The following KIRREL3 variants were observed in gnomAD, a reference collection of about 807,000 sequenced individuals.
KIRREL3 encodes kirre like nephrin family adhesion molecule 3, also known as kin of IRRE-like protein 3.
KIRREL3 carries 36 observed loss-of-function variants against 89.7 expected under a neutral mutation model. The observed-to-expected ratio is 0.40, with a 90% confidence interval of 0.31 to 0.53. The LOEUF (loss-of-function observed/expected upper bound fraction) is 0.53, where lower values mean the gene tolerates loss of function less well. KIRREL3 is among the 20% of genes least tolerant of loss of function. The pLI is 0.49. For missense variants in KIRREL3, 864 were observed against 1,056.6 expected, an observed-to-expected ratio of 0.82 and a Z score of 2.53; for synonymous variants, 445 against 441.4, an observed-to-expected ratio of 1.01 and a Z score of -0.10.
chr11:126,459,020 C>T lies in KIRREL3; in HGVS notation c.743-2566G>A, dbSNP rs1043755834. ...GACACTCAGGGAGGAGCCTGCATCTCGCCGTGGGTTGGAGAAGTGGAGGTG... is the reference window on the plus strand; with the variant it reads ...GACACTCAGGGAGGAGCCTGCATCTTGCCGTGGGTTGGAGAAGTGGAGGTG... On this transcript the variant is annotated intron_variant, in intron 6 of 16. Transcript: ENST00000525144. This position sits in a 1 kb window ranked among gnomAD's most constrained non-coding sequence, Gnocchi z 4.8. Among the ~76,000 whole-genome samples the T allele has an allele frequency of 1.3e-5, 2 of 152,188 alleles. No homozygotes were observed. The highest frequency in any genetic ancestry group is 2.9e-5 in the Non-Finnish European group (2 of 68,040).
chr11:126,431,055 G>A lies in KIRREL3; in HGVS notation c.1696+364C>T. On this transcript the variant is annotated intron_variant, in intron 14 of 16. Coordinates refer to ENST00000525144, the MANE Select transcript of KIRREL3 (RefSeq NM_032531.4). The surrounding 1 kb of genome is among the most constrained non-coding windows in gnomAD (Gnocchi z 7.1). ...CTCTTTATTTTTATTTTGTTGTAGA[G>A]ATGGGGTCTCTCTAGACTAACAGCT... 7.8e-7 allele frequency: 1 copy of A among 1,278,252 alleles called. No individual in the cohort carries two copies. The highest frequency in any genetic ancestry group is 9.9e-7 in the Non-Finnish European group (1 of 1,013,242). 79.2% of individuals were successfully genotyped at this position (1,278,252 alleles called of 1,614,324 possible).
At position 126,983,484 on chromosome 11, in the gene KIRREL3, A is replaced by G. The variant is rs1430586792; in HGVS notation, c.55+16971T>C. 1.3e-5 allele frequency among the ~76,000 whole-genome samples: 2 copies of G among 152,210 alleles called. No homozygotes were observed. Among genetic ancestry groups the G allele is most frequent in the African/African-American group, 4.8e-5 (2 of 41,506 alleles). ...TAAGTTAAGGTCTTGAGAGAGAGAG[A>G]TTTTCCTAAATTACCCTCTGTGGTC... On this transcript the variant is annotated intron_variant, in intron 1 of 16. Coordinates refer to ENST00000525144, the MANE Select transcript of KIRREL3 (RefSeq NM_032531.4). This position sits in a 1 kb window ranked among gnomAD's most constrained non-coding sequence, Gnocchi z 4.9.
rs1384833875 is a variant in KIRREL3, at chr11:126,877,243, C to T, written c.55+123212G>A. Reference sequence around the variant, plus strand: ...CCACTGGTGAGAAGAGTTCTCTTCTCCAGCCAGCCAAGAGCTGCATTACAT... The same window carrying T: ...CCACTGGTGAGAAGAGTTCTCTTCTTCAGCCAGCCAAGAGCTGCATTACAT... On this transcript the variant is annotated intron_variant, in intron 1 of 16. Coordinates refer to ENST00000525144, the MANE Select transcript of KIRREL3 (RefSeq NM_032531.4). The surrounding 1 kb of genome is among the most constrained non-coding windows in gnomAD (Gnocchi z 4.9). Among the ~76,000 whole-genome samples, 2 of 152,200 alleles carry T rather than the reference C, an allele frequency of 1.3e-5. No homozygotes were observed. Among genetic ancestry groups the T allele is most frequent in the African/African-American group, 4.8e-5 (2 of 41,444 alleles).
chr11:126,853,777 C>T (rs1296380813), intron 1 of KIRREL3, among the ~76,000 whole-genome samples: 1 of 151,970 alleles, frequency 6.6e-6, no homozygotes, highest in Non-Finnish European at 1.5e-5. Flanking sequence ...GACCTCCTTT[C>T]AAGGTCTCCG....
intron 1 of KIRREL3, among the ~76,000 whole-genome samples, chr11:126,911,200 A>G (rs1946801866): frequency 6.6e-6 from 1 of 152,188 alleles, no homozygotes; most frequent in Admixed American, 6.5e-5. Context: ...GGCCCCTCCA[A>G]GTAGGAGACA....
rs1315920699 is a variant in KIRREL3, at chr11:126,994,755, G to C, written c.55+5700C>G. Among the ~76,000 whole-genome samples the C allele has an allele frequency of 6.6e-6, 1 of 152,168 alleles. No individual in the cohort carries two copies. The highest frequency in any genetic ancestry group is 1.5e-5 in the Non-Finnish European group (1 of 68,018). On this transcript the variant is annotated intron_variant, in intron 1 of 16. Coordinates refer to ENST00000525144, the MANE Select transcript of KIRREL3 (RefSeq NM_032531.4). This position sits in a 1 kb window ranked among gnomAD's most constrained non-coding sequence, Gnocchi z 5.2. ...TAGGGGGAGGTTCAATGGGGGAGAA[G>C]ATCCCCCACCCTCTTGTGACCCTTG...
intron 1 of KIRREL3, among the ~76,000 whole-genome samples, chr11:126,698,256 C>T (rs1477172717): frequency 6.6e-6 from 1 of 152,210 alleles, no homozygotes. Context: ...CGTTCTCATG[C>T]TCACGGAGAG....
At chr11:126,762,935 A>G (rs1349986217) in intron 1 of KIRREL3, among the ~76,000 whole-genome samples, 1 of 152,018 alleles carries the variant, frequency 6.6e-6, no homozygotes, top group Non-Finnish European at 1.5e-5. Flanking sequence ...TTGACCCCAA[A>G]TTTCTCCTTT....
chr11:126,832,343 G>A (rs761916292), intron 1 of KIRREL3, among the ~76,000 whole-genome samples: 1 of 152,056 alleles, frequency 6.6e-6, no homozygotes, highest in Admixed American at 6.5e-5. Context: ...ATGATTACAC[G>A]CCAGGGAGAT....
At chr11:126,482,240 T>A (rs1957239126) in intron 4 of KIRREL3, among the ~76,000 whole-genome samples, 1 of 152,202 alleles carries the variant, frequency 6.6e-6, no homozygotes, top group South Asian at 2.1e-4. Context: ...AGTTTCACCA[T>A]GTTGGCTAGG....
At chr11:126,894,572 G>GAAA (rs1946070339) in intron 1 of KIRREL3, among the ~76,000 whole-genome samples, 9 of 109,348 alleles carry the variant, frequency 8.2e-5, no homozygotes, top group South Asian at 3.5e-4. Context: ...AAAAAAAAAG[G>GAAA]AAAAGAAAGA....
At chr11:126,480,265 G>C (rs1442107267) in intron 4 of KIRREL3, among the ~76,000 whole-genome samples, 3 of 152,240 alleles carry the variant, frequency 2.0e-5, no homozygotes, top group African/African-American at 7.2e-5. Flanking sequence ...GGGTTATCAT[G>C]AGGATTACCT....
Position 126,689,348 on chromosome 11 carries a change from G to A in KIRREL3, c.56-126436C>T, listed in dbSNP as rs1251887813. Among the ~76,000 whole-genome samples, 1 of 152,176 alleles carries A rather than the reference G, an allele frequency of 6.6e-6. No homozygotes were observed. Among genetic ancestry groups the A allele is most frequent in the Non-Finnish European group, 1.5e-5 (1 of 68,032 alleles). ...GGAAGATGAGGCTGACCAGGCCATG[G>A]AGCTGCCCAGACCCCCTGGGAGCCC... On this transcript the variant is annotated intron_variant, in intron 1 of 16. Coordinates refer to ENST00000525144, the MANE Select transcript of KIRREL3 (RefSeq NM_032531.4). The surrounding 1 kb of genome is among the most constrained non-coding windows in gnomAD (Gnocchi z 5.2).
intron 2 of KIRREL3, among the ~76,000 whole-genome samples, chr11:126,538,425 C>T (rs1938091472): frequency 6.6e-6 from 1 of 152,196 alleles, no homozygotes; most frequent in African/African-American, 2.4e-5. Context: ...AGCTCAGTGG[C>T]TCCTGGTGAC....
chr11:126,756,486 C>A (rs1176438092), intron 1 of KIRREL3, among the ~76,000 whole-genome samples: 1 of 152,262 alleles, frequency 6.6e-6, no homozygotes, highest in Non-Finnish European at 1.5e-5. Flanking sequence ...CCTTAGAAGG[C>A]ATGTCTTCTG....
Position 126,609,611 on chromosome 11 carries a change from T to C in KIRREL3, c.56-46699A>G, listed in dbSNP as rs1459055129. ...CCTTTCTGGGGGGACCTCCGATGCA[T>C]GCTCACTTGTATAAAATCTAACTGG... On this transcript the variant is annotated intron_variant, in intron 1 of 16. Transcript: ENST00000525144. The surrounding 1 kb of genome is among the most constrained non-coding windows in gnomAD (Gnocchi z 5.0). 6.6e-6 allele frequency among the ~76,000 whole-genome samples: 1 copy of C among 152,156 alleles called. No homozygotes were observed. Among genetic ancestry groups the C allele is most frequent in the African/African-American group, 2.4e-5 (1 of 41,416 alleles).
chr11:126,728,100 G>A (rs1285979981), intron 1 of KIRREL3, among the ~76,000 whole-genome samples: 1 of 152,176 alleles, frequency 6.6e-6, no homozygotes, highest in African/African-American at 2.4e-5. Context: ...TCACAGAGGG[G>A]CTGGGTGCAG....
intron 5 of KIRREL3, among the ~76,000 whole-genome samples, chr11:126,468,369 C>T (rs137960788): frequency 2.0e-5 from 3 of 152,374 alleles, no homozygotes; most frequent in Non-Finnish European, 4.4e-5. Context: ...GCAGCCGACA[C>T]CCGCTGGGAG....
chr11:126,709,270 C>T lies in KIRREL3; in HGVS notation c.56-146358G>A, dbSNP rs1239176714. Among the ~76,000 whole-genome samples the T allele has an allele frequency of 6.6e-6, 1 of 152,216 alleles. No individual in the cohort carries two copies. Among genetic ancestry groups the T allele is most frequent in the African/African-American group, 2.4e-5 (1 of 41,460 alleles). On this transcript the variant is annotated intron_variant, in intron 1 of 16. Transcript: ENST00000525144. This position sits in a 1 kb window ranked among gnomAD's most constrained non-coding sequence, Gnocchi z 4.0. Reference sequence around the variant, plus strand: ...TCGCCCCAAAATATGGCTGCCTTGACTAGTTGGCTTTATCATCTCCTCTAT... The same window carrying T: ...TCGCCCCAAAATATGGCTGCCTTGATTAGTTGGCTTTATCATCTCCTCTAT...
Sources: gnomAD v4.1 joint callset for allele counts (sites outside exome capture counted in the v4.1 genomes callset) on GRCh38, gnomAD v4.1.1 for gene constraint, Gnocchi (gnomAD v3.1) non-coding constraint, MANE v1.5 for transcripts, NCBI Gene and HGNC (gene_info 2026-07-23, HGNC 2026-07-21) for gene names.